Variants in GULP1 observed in about 807,000 individuals in gnomAD.
GULP1 encodes the protein PTB domain-containing engulfment adapter protein 1.
GULP1 carries 19 observed loss-of-function variants against 40.9 expected under a neutral mutation model. The ratio of observed to expected loss-of-function variants is 0.46; its 90% CI spans 0.32 to 0.68. GULP1 has a LOEUF of 0.68. GULP1 is among the 30% of genes least tolerant of loss of function. The pLI is 0.03. For missense variants in GULP1, 312 were observed against 362.2 expected, an observed-to-expected ratio of 0.86 and a Z score of 1.12; for synonymous variants, 119 against 117.6, an observed-to-expected ratio of 1.01 and a Z score of -0.08.
At chr2:188,487,508 C>T (rs2061963462) in intron 4 of GULP1, among the ~76,000 whole-genome samples, 1 of 151,806 alleles carries the variant, frequency 6.6e-6, no homozygotes, top group Non-Finnish European at 1.5e-5. Context: ...AAACTTATGA[C>T]GTCCCTGTGG....
chr2:188,424,242 A>G (rs1408625141), intron 2 of GULP1, among the ~76,000 whole-genome samples: 2 of 151,926 alleles, frequency 1.3e-5, no homozygotes, highest in Non-Finnish European at 2.9e-5. Context: ...ATGTGTGTCA[A>G]TTTTATAATA....
chr2:188,392,331 G>T (rs1431816978), intron 2 of GULP1, among the ~76,000 whole-genome samples: 4 of 151,944 alleles, frequency 2.6e-5, no homozygotes, highest in Non-Finnish European at 5.9e-5. Context: ...TAATCTAGAA[G>T]AGTTGTATGT....
chr2:188,561,057 C>G (rs1232296213), intron 7 of GULP1, among the ~76,000 whole-genome samples: 1 of 152,200 alleles, frequency 6.6e-6, no homozygotes, highest in African/African-American at 2.4e-5. Context: ...TTAGTGAGAT[C>G]TGCCATTTCC....
chr2:188,416,242 C>G (rs1458054539), intron 2 of GULP1, among the ~76,000 whole-genome samples: 7 of 151,628 alleles, frequency 4.6e-5, no homozygotes, highest in Non-Finnish European at 8.8e-5. Context: ...CTTCTTTTTT[C>G]TCTTCCTTCT....
At chr2:188,390,719 G>A (rs1049634450) in intron 2 of GULP1, among the ~76,000 whole-genome samples, 1 of 151,986 alleles carries the variant, frequency 6.6e-6, no homozygotes, top group Non-Finnish European at 1.5e-5. Context: ...TTTTTCCTGG[G>A]TTATCTTCTA....
intron 1 of GULP1, among the ~76,000 whole-genome samples, chr2:188,327,500 A>T (rs2152001169): frequency 6.6e-6 from 1 of 152,216 alleles, no homozygotes; most frequent in South Asian, 2.1e-4. Flanking sequence ...CAGGACTGAG[A>T]CTGTAGAGGC....
At chr2:188,437,477 T>C (rs76790001) in intron 2 of GULP1, among the ~76,000 whole-genome samples, 8,162 of 152,212 alleles carry the variant, frequency 0.054, 722 homozygotes, top group African/African-American at 0.18. Context: ...AAAATACTTT[T>C]TTAAAAATGA....
intron 1 of GULP1, among the ~76,000 whole-genome samples, chr2:188,356,037 A>C (rs891468783): frequency 2.0e-5 from 3 of 152,146 alleles, no homozygotes; most frequent in Non-Finnish European, 4.4e-5. Flanking sequence ...ACATGCCTCA[A>C]CATAATAAAA....
At chr2:188,332,761 A>G (rs1240552208) in intron 1 of GULP1, among the ~76,000 whole-genome samples, 5 of 152,058 alleles carry the variant, frequency 3.3e-5, no homozygotes, top group Non-Finnish European at 7.4e-5. Flanking sequence ...AGCTACAGAA[A>G]TGTGACCTAG....
At chr2:188,472,090 A>G (rs2060636604) in intron 2 of GULP1, among the ~76,000 whole-genome samples, 1 of 152,242 alleles carries the variant, frequency 6.6e-6, no homozygotes, top group East Asian at 1.9e-4. Flanking sequence ...ATATGTCATG[A>G]CATTCTCTCT....
At chr2:188,399,747 A>G (rs1260667508) in intron 2 of GULP1, among the ~76,000 whole-genome samples, 3 of 151,044 alleles carry the variant, frequency 2.0e-5, no homozygotes, top group Non-Finnish European at 4.4e-5. Flanking sequence ...AATGTCATAT[A>G]ATAAAGATTT....
chr2:188,465,754 A>G (rs1018036037), intron 2 of GULP1, among the ~76,000 whole-genome samples: 2 of 152,026 alleles, frequency 1.3e-5, no homozygotes, highest in African/African-American at 4.8e-5. Flanking sequence ...ATGCCTCAGA[A>G]TTGCTAGCTC....
intron 1 of GULP1, among the ~76,000 whole-genome samples, chr2:188,304,200 A>G (rs942847966): frequency 6.6e-6 from 1 of 152,066 alleles, no homozygotes; most frequent in African/African-American, 2.4e-5. Flanking sequence ...TCAATTTCCA[A>G]CTCCCACTTG....
At position 188,569,325 on chromosome 2, in the gene GULP1, A is replaced by T. The variant is rs762945683; in HGVS notation, c.486A>T (p.Thr162=). ...FLESGGKDVE[T]RKQIAGLQKR... ...AATCAGGAGGAAAAGATGTTGAAAC[A>T]AGAAAACAGATCGCAGGGTTACAAA... is the stretch of plus-strand genomic sequence containing the variant. Residue 162 remains threonine, a synonymous_variant, in exon 8 of 12, where the codon ACA becomes ACT. Coordinates refer to ENST00000409830, the MANE Select transcript of GULP1 (RefSeq NM_016315.4). The T allele has an allele frequency of 2.5e-6, 4 of 1,582,174 alleles. No homozygotes were observed. The Admixed American group carries it at 6.7e-5, about 26-fold the overall frequency.
chr2:188,565,395 AGTTT>A (rs1697408129), intron 7 of GULP1, among the ~76,000 whole-genome samples: 1 of 152,030 alleles, frequency 6.6e-6, no homozygotes, highest in South Asian at 2.1e-4. Flanking sequence ...ACAGGGAGTT[AGTTT>A]ATTAAAGAGA....
intron 2 of GULP1, among the ~76,000 whole-genome samples, chr2:188,385,364 G>T (rs929475101): frequency 2.6e-5 from 4 of 152,156 alleles, no homozygotes; most frequent in African/African-American, 7.2e-5. Context: ...GGAGCAGCTG[G>T]GATGCAGGCC....
intron 1 of GULP1, among the ~76,000 whole-genome samples, chr2:188,379,664 C>T (rs1315722298): frequency 6.6e-6 from 1 of 152,186 alleles, no homozygotes; most frequent in Non-Finnish European, 1.5e-5. Flanking sequence ...CTTCCATCAC[C>T]TTTAGGGTAA....
intron 2 of GULP1, among the ~76,000 whole-genome samples, chr2:188,426,610 C>G (rs995564304): frequency 2.6e-5 from 4 of 152,164 alleles, no homozygotes; most frequent in Non-Finnish European, 4.4e-5. Context: ...CAGAGTCAGG[C>G]TGGAATTTGG....
At chr2:188,355,877 C>G (rs909050665) in intron 1 of GULP1, among the ~76,000 whole-genome samples, 1 of 151,854 alleles carries the variant, frequency 6.6e-6, no homozygotes, top group Admixed American at 6.6e-5. Context: ...AAGAATGGTT[C>G]AATATAATCA....
Sources: allele counts gnomAD v4.1 joint callset (sites outside exome capture counted in the v4.1 genomes callset), GRCh38; gene constraint gnomAD v4.1.1; transcripts MANE v1.5; gene names NCBI Gene and HGNC (gene_info 2026-07-23, HGNC 2026-07-21).